PRELID2: variants seen among roughly 807,000 people sequenced by gnomAD.
The protein encoded by PRELID2 is PRELI domain containing 2.
PRELID2 carries 25 observed loss-of-function variants against 28.4 expected under a neutral mutation model. That is an observed-to-expected ratio of 0.88 (90% CI 0.64 to 1.23). PRELID2 has a LOEUF of 1.23. Among genes scored for constraint, PRELID2 ranks in the 50% most tolerant of loss-of-function variants. PRELID2 has a pLI of 0.00. For synonymous variants in PRELID2, 76 were observed against 71.6 expected (o/e 1.06, Z -0.31); for missense variants, 201 against 214.4 (o/e 0.94, Z 0.39).
intron 1 of PRELID2, among the ~76,000 whole-genome samples, chr5:145,554,579 C>T (rs1177623311): frequency 6.6e-6 from 1 of 152,230 alleles, no homozygotes; most frequent in East Asian, 1.9e-4. Context: ...TCCCAGGCTT[C>T]CCTCACTTTG....
At chr5:145,724,632 TATATATATATATATA>T (rs1756087626) in intron 1 of PRELID2, among the ~76,000 whole-genome samples, 1 of 119,854 alleles carries the variant, frequency 8.3e-6, no homozygotes, top group African/African-American at 2.9e-5. Context: ...TATATATATA[TATATATATATATATA>T]ATGCCTGTAA....
chr5:145,586,923 A>T (rs187809873), intron 1 of PRELID2, among the ~76,000 whole-genome samples: 353 of 152,244 alleles, frequency 2.3e-3, no homozygotes, highest in Non-Finnish European at 3.0e-3. Flanking sequence ...ATTCCAAGGA[A>T]AGGAAATATG....
intron 6 of PRELID2, among the ~76,000 whole-genome samples, chr5:145,763,973 G>T (rs768880205): frequency 7.9e-5 from 12 of 152,096 alleles, no homozygotes; most frequent in Non-Finnish European, 1.8e-4. Flanking sequence ...CCTCTCGGGA[G>T]ACTGAAGCAG....
chr5:145,719,185 TG>T (rs1468329226), intron 1 of PRELID2, among the ~76,000 whole-genome samples: 1 of 151,794 alleles, frequency 6.6e-6, no homozygotes, highest in Non-Finnish European at 1.5e-5. Flanking sequence ...GTAGAGAATG[TG>T]GGAAGTCCAG....
At chr5:145,546,720 C>A (rs1267678054) in intron 1 of PRELID2, among the ~76,000 whole-genome samples, 1 of 152,152 alleles carries the variant, frequency 6.6e-6, no homozygotes, top group African/African-American at 2.4e-5. Flanking sequence ...GGATCTTTAA[C>A]TGGTTATGTT....
At chr5:145,517,024 C>T (rs570057494) in intron 1 of PRELID2, among the ~76,000 whole-genome samples, 1 of 152,204 alleles carries the variant, frequency 6.6e-6, no homozygotes, top group East Asian at 1.9e-4. Flanking sequence ...AGACCTAAAA[C>T]CATAAAAACC....
At chr5:145,461,205 A>G in the PRELID2 span, among the ~76,000 whole-genome samples, 1 of 152,206 alleles carries the variant, frequency 6.6e-6, no homozygotes, top group Non-Finnish European at 1.5e-5. Context: ...AAGAGATTAG[A>G]TATATAGATA....
At chr5:145,701,674 T>C (rs1755410066) in intron 1 of PRELID2, among the ~76,000 whole-genome samples, 1 of 152,156 alleles carries the variant, frequency 6.6e-6, no homozygotes, top group South Asian at 2.1e-4. Flanking sequence ...GACCTGTAAA[T>C]CATTATCTTT....
chr5:145,714,345 G>A (rs1280394107), intron 1 of PRELID2, among the ~76,000 whole-genome samples: 1 of 152,058 alleles, frequency 6.6e-6, no homozygotes, highest in East Asian at 1.9e-4. Context: ...GAGCTAAGAA[G>A]AACTCCCCAT....
chr5:145,297,032 T>C, the PRELID2 span, among the ~76,000 whole-genome samples: 1 of 152,116 alleles, frequency 6.6e-6, no homozygotes, highest in Non-Finnish European at 1.5e-5. Flanking sequence ...CACTTTTTGA[T>C]GGGGTTGTTT....
chr5:145,535,418 G>C (rs1315127225), intron 1 of PRELID2, among the ~76,000 whole-genome samples: 3 of 151,794 alleles, frequency 2.0e-5, no homozygotes, highest in Admixed American at 6.6e-5. Flanking sequence ...TTTCCCAGCA[G>C]TCAGAATTCA....
chr5:145,403,924 G>A, the PRELID2 span, among the ~76,000 whole-genome samples: 1 of 152,144 alleles, frequency 6.6e-6, no homozygotes, highest in Non-Finnish European at 1.5e-5. Flanking sequence ...AAGTTAAATC[G>A]ATCTAGATCC....
At chr5:145,811,527 C>T (rs576340192) in intron 4 of PRELID2, among the ~76,000 whole-genome samples, 75 of 152,308 alleles carry the variant, frequency 4.9e-4, no homozygotes, top group Non-Finnish European at 8.7e-4. Context: ...CCACAAGATA[C>T]TCCCACTTTG....
intron 1 of PRELID2, among the ~76,000 whole-genome samples, chr5:145,694,413 T>G (rs1465068051): frequency 2.0e-5 from 3 of 152,186 alleles, no homozygotes. Flanking sequence ...ATGTTGATAA[T>G]TGTTAATGAA....
chr5:145,742,142 A>G (rs1756830594), intron 1 of PRELID2, among the ~76,000 whole-genome samples: 1 of 6,042 alleles, frequency 1.7e-4, no homozygotes. Flanking sequence ...AAATAAATAA[A>G]TTTATTTATT....
chr5:145,229,725 C>T, the PRELID2 span: 14 of 755,024 alleles, frequency 1.9e-5, no homozygotes, highest in Admixed American at 5.1e-5. Flanking sequence ...CACCACAGAC[C>T]GGGAAGTGCA....
the PRELID2 span, among the ~76,000 whole-genome samples, chr5:145,272,846 G>A: frequency 2.0e-3 from 298 of 151,834 alleles, 1 homozygote; most frequent in South Asian, 5.8e-3. Context: ...TCGCTTACTC[G>A]TTATGGGCTA....
At chr5:145,737,829 T>A (rs1248391409) in intron 1 of PRELID2, among the ~76,000 whole-genome samples, 1 of 152,100 alleles carries the variant, frequency 6.6e-6, no homozygotes, top group Non-Finnish European at 1.5e-5. Flanking sequence ...AGAGAAGACC[T>A]AGTAGGGAGT....
the PRELID2 span, among the ~76,000 whole-genome samples, chr5:145,299,644 C>CGTGTGTGTGTGTGTGT: frequency 1.6e-4 from 18 of 109,412 alleles, no homozygotes; most frequent in African/African-American, 4.1e-4. Flanking sequence ...TATGTGTGTG[C>CGTGTGTGTGTGTGTGT]GTGTGTGTGT....
Sources: allele counts gnomAD v4.1 joint callset (sites outside exome capture counted in the v4.1 genomes callset), GRCh38; gene constraint gnomAD v4.1.1; transcripts MANE v1.5; gene names NCBI Gene and HGNC (gene_info 2026-07-23, HGNC 2026-07-21).